Variants in REM2 observed in about 807,000 individuals in gnomAD.
The protein encoded by REM2 is GTP-binding protein REM 2.
Under a neutral mutation model 24.4 loss-of-function variants are expected in REM2, and 24 were observed. The observed-to-expected ratio is 0.98, with a 90% CI of 0.71 to 1.38. The LOEUF (loss-of-function observed/expected upper bound fraction) is 1.38, where lower values mean the gene tolerates loss of function less well. Among genes scored for constraint, REM2 ranks in the 40% most tolerant of loss-of-function variants. REM2 has a pLI of 0.00. For synonymous variants in REM2, 187 were observed against 198.0 expected (o/e 0.94, Z 0.47); for missense variants, 429 against 467.8 (o/e 0.92, Z 0.77).
rs1334466667 is a variant in REM2 at position 22,886,614 on chromosome 14, A to AG, written c.731dup (p.Arg245ProfsTer133). The AG allele has an allele frequency of 6.9e-7, 1 of 1,448,334 alleles. No homozygotes were observed. Among genetic ancestry groups the AG allele is most frequent in the African/African-American group, 1.4e-5 (1 of 69,628 alleles). The allele number at this position is 1,448,334 out of a possible 1,614,324, so 89.7% of individuals were successfully genotyped here. A position where few individuals can be genotyped will look rare whatever the true frequency, so the allele number is the denominator to read the frequency against. ...CGCCTGAGCCGGTGCCTTCCTGCAG[A>AG]GGGCCGCCACCTGGCCGGGACGCTG... On this transcript the variant is annotated frameshift_variant and splice_region_variant, in exon 5 of 5. Coordinates refer to ENST00000267396, the MANE Select transcript of REM2 (RefSeq NM_173527.3). LOFTEE classifies it high-confidence loss of function. This position sits in a 1 kb window ranked among gnomAD's most constrained non-coding sequence, Gnocchi z 5.9.
At position 22,884,768 on chromosome 14, in the gene REM2, A is replaced by G. The variant is rs1388022461; in HGVS notation, c.198A>G (p.Arg66=). 3 of 1,614,048 alleles carry G rather than the reference A, an allele frequency of 1.9e-6. No individual in the cohort carries two copies. The South Asian group carries it at 3.3e-5, about 18-fold the overall frequency. The part of the protein sequence containing the change: ...LPSAPGAPRR[R]GSMPVPYKHQ... The stretch of plus-strand genomic sequence containing the variant: ...CTGCCCCTGGGGCCCCCAGACGAAG[A>G]GGCAGTATGCCTGTCCCCTACAAGC... The change falls in exon 2 of 5, where the codon AGA becomes AGG. Residue 66 remains arginine (R), a synonymous_variant. Coordinates refer to ENST00000267396, the MANE Select transcript of REM2 (RefSeq NM_173527.3).
rs1402725238 is a variant in REM2 at position 22,884,846 on chromosome 14, C to T, written c.276C>T (p.Ala92=). The T allele has an allele frequency of 6.2e-7, 1 of 1,614,022 alleles. No homozygotes were observed. Among genetic ancestry groups the T allele is most frequent in the Non-Finnish European group, 8.5e-7 (1 of 1,179,866 alleles). The stretch of plus-strand genomic sequence containing the variant: ...ATGAACTTGACTGGCCACCTCAGGC[C>T]TCATCCTCTGGCTCGTCTGACTCCT... The part of the protein sequence containing the change: ...AVDELDWPPQ[A]SSSGSSDSLG... Residue 92 remains alanine (A), a synonymous_variant, in exon 2 of 5, where the codon GCC becomes GCT. Coordinates refer to ENST00000267396, the MANE Select transcript of REM2 (RefSeq NM_173527.3).
At chr14:22,885,205 G>C (rs745969204) in intron 2 of REM2, 61 bp from the exon 3 acceptor site, 22 of 1,494,372 alleles carry the variant, frequency 1.5e-5, no homozygotes, top group Non-Finnish European at 2.1e-5. Context: ...TGGTTACCAG[G>C]TCTCACAAAT....
Position 22,884,822 on chromosome 14 carries a change from T to A in REM2, c.252T>A (p.Asp84Glu), listed in dbSNP as rs771195142. 3 of 1,614,012 alleles carry A rather than the reference T, an allele frequency of 1.9e-6. No individual in the cohort carries two copies. In the South Asian group the frequency reaches 3.3e-5, roughly 18 times the overall value. ...KHQLRRAQAV[D>E]ELDWPPQASS... ...AGCTCCGGCGGGCCCAGGCTGTAGA[T>A]GAACTTGACTGGCCACCTCAGGCCT... The change falls in exon 2 of 5, where the codon GAT becomes GAA. Residue 84 changes from aspartate (D) to glutamate (E), a missense_variant. Transcript: ENST00000267396.
At chr14:22,885,233 T>G in intron 2 of REM2, 33 bp from the exon 3 acceptor site, 1 of 1,592,596 alleles carries the variant, frequency 6.3e-7, no homozygotes, top group Non-Finnish European at 8.6e-7. Flanking sequence ...AACCTCCTAA[T>G]GGACTTTATA....
Position 22,885,035 on chromosome 14 carries a change from AGGGG to A in REM2, c.445+21_445+24del. ...ACCCAGGTATTTGGGGAAGCCCTCC[AGGGG>A]TTGAGGGGGCTCTGGGGCCCTGGTC... is the stretch of plus-strand genomic sequence containing the variant. On this transcript the variant is annotated intron_variant, in intron 2 of 4. Coordinates refer to ENST00000267396, the MANE Select transcript of REM2 (RefSeq NM_173527.3). 2 of 1,522,070 alleles carry A rather than the reference AGGGG, an allele frequency of 1.3e-6. No homozygotes were observed. Among genetic ancestry groups the A allele is most frequent in the East Asian group, 4.5e-5 (2 of 44,030 alleles). 94.3% of individuals were successfully genotyped at this position (1,522,070 alleles called of 1,614,324 possible).
chr14:22,886,320 ATCGCGGACGCAC>A lies in REM2; in HGVS notation c.727+92_727+103del, dbSNP rs1004581784. 1.9e-5 allele frequency: 23 copies of A among 1,211,650 alleles called. No individual in the cohort carries two copies. The African/African-American group carries it at 3.2e-4, about 17-fold the overall frequency. The allele number at this position is 1,211,650 out of a possible 1,614,324, so 75.1% of individuals were successfully genotyped here. On this transcript the variant is annotated intron_variant, in intron 4 of 4. Transcript: ENST00000267396. The surrounding 1 kb of genome is among the most constrained non-coding windows in gnomAD (Gnocchi z 5.9). ...CTCTTCTCCCTAAGGCCTTTTTACCATCGCGGACGCACTCACTTGCAATCAGACCCAGGCTAG... is the reference window on the plus strand; with the variant it reads ...CTCTTCTCCCTAAGGCCTTTTTACCATCACTTGCAATCAGACCCAGGCTAG...
In REM2 at chr14:22,884,692, TAAAGA is replaced by T. The variant is rs2138807310; in HGVS notation, c.124_128del (p.Lys42ValfsTer42). On this transcript the variant is annotated frameshift_variant, in exon 2 of 5. Coordinates refer to ENST00000267396, the MANE Select transcript of REM2 (RefSeq NM_173527.3). LOFTEE classifies it high-confidence loss of function. The stretch of plus-strand genomic sequence containing the variant: ...ATTTTAGAAGCAGATGCCACGCTAC[TAAAGA>T]AGTCAGAGAAACTGTTGGCAGAGTT... 1 of 1,608,080 alleles carries T rather than the reference TAAAGA, an allele frequency of 6.2e-7. No individual in the cohort carries two copies. Among genetic ancestry groups the T allele is most frequent in the Non-Finnish European group, 8.5e-7 (1 of 1,177,402 alleles).
rs972209539 is a variant in REM2 at position 22,886,570 on chromosome 14, T to A, written c.728-44T>A. 97 of 1,427,140 alleles carry A rather than the reference T, an allele frequency of 6.8e-5. No individual in the cohort carries two copies. Among genetic ancestry groups the A allele is most frequent in the Non-Finnish European group, 7.5e-5 (82 of 1,089,022 alleles). 88.4% of individuals were successfully genotyped at this position (1,427,140 alleles called of 1,614,324 possible). ...TCCCTAGACCCACCCTCGCCCCGGGTCCCGTACAGCCCAGCGGGCGCCTGA... is the reference window on the plus strand; with the variant it reads ...TCCCTAGACCCACCCTCGCCCCGGGACCCGTACAGCCCAGCGGGCGCCTGA... On this transcript the variant is annotated intron_variant, in intron 4 of 4. Coordinates refer to ENST00000267396, the MANE Select transcript of REM2 (RefSeq NM_173527.3). The surrounding 1 kb of genome is among the most constrained non-coding windows in gnomAD (Gnocchi z 5.9).
chr14:22,886,800 G>A lies in REM2; in HGVS notation c.914G>A (p.Arg305His). The change falls in exon 5 of 5, where the codon CGC becomes CAC. Residue 305 changes from arginine (R) to histidine (H), a missense_variant. By Grantham distance (29) the Arg-to-His change is conservative. Transcript: ENST00000267396. The surrounding 1 kb of genome is among the most constrained non-coding windows in gnomAD (Gnocchi z 5.9). ...SPEGPAPPAR[R>H]ESLTKKAKRF... Reference sequence around the variant, plus strand: ...GAGGGCCCTGCGCCACCTGCACGCCGCGAGAGCCTCACCAAGAAAGCCAAG... The same window carrying A: ...GAGGGCCCTGCGCCACCTGCACGCCACGAGAGCCTCACCAAGAAAGCCAAG... 1 of 1,549,004 alleles carries A rather than the reference G, an allele frequency of 6.5e-7. No individual in the cohort carries two copies. The highest frequency in any genetic ancestry group is 1.4e-5 in the African/African-American group (1 of 72,908).
Position 22,886,964 on chromosome 14 carries a change from C to A in REM2, c.*55C>A. The A allele has an allele frequency of 3.0e-6, 4 of 1,311,956 alleles. No individual in the cohort carries two copies. In the South Asian group the frequency reaches 5.2e-5, roughly 17 times the overall value. The allele number at this position is 1,311,956 out of a possible 1,614,324, so 81.3% of individuals were successfully genotyped here. On this transcript the variant is annotated 3_prime_UTR_variant, in exon 5 of 5. Coordinates refer to ENST00000267396, the MANE Select transcript of REM2 (RefSeq NM_173527.3). The surrounding 1 kb of genome is among the most constrained non-coding windows in gnomAD (Gnocchi z 5.9). ...CATGGTCACCGCGCCCTCCGCTCGC[C>A]CCCCCTCGCCCCGCCCCGCCCCCGT...
At chr14:22,885,064 C>A in intron 2 of REM2, 49 bp downstream of exon 2, 1 of 1,507,940 alleles carries the variant, frequency 6.6e-7, no homozygotes, top group South Asian at 1.3e-5. Flanking sequence ...GGGCCCTGGT[C>A]AGGGAAGGAA....
chr14:22,885,233 T>C lies in REM2; in HGVS notation c.446-33T>C, dbSNP rs73588590. 1,138 of 1,592,596 alleles carry C rather than the reference T, an allele frequency of 7.1e-4. 6 individuals carry two copies. The African/African-American group carries it at 0.012, about 17-fold the overall frequency. ...TCACAAATGTTGGGAAACCTCCTAA[T>C]GGACTTTATACCCTCTCCCTATTTC... On this transcript the variant is annotated intron_variant, in intron 2 of 4. Transcript: ENST00000267396.
Position 22,886,940 on chromosome 14 carries a change from A to AT in REM2, c.*32dup, listed in dbSNP as rs1667241069. Reference sequence around the variant, plus strand: ...GGTCGCCATGGCCACTGCGGTCGCCATGGTCACCGCGCCCTCCGCTCGCCC... The same window carrying AT: ...GGTCGCCATGGCCACTGCGGTCGCCATTGGTCACCGCGCCCTCCGCTCGCCC... On this transcript the variant is annotated 3_prime_UTR_variant, in exon 5 of 5. Transcript: ENST00000267396. This position sits in a 1 kb window ranked among gnomAD's most constrained non-coding sequence, Gnocchi z 5.9. The AT allele has an allele frequency of 6.6e-6, 9 of 1,359,962 alleles. No homozygotes were observed. Among genetic ancestry groups the AT allele is most frequent in the African/African-American group, 1.5e-5 (1 of 64,966 alleles). The allele number at this position is 1,359,962 out of a possible 1,614,324, so 84.2% of individuals were successfully genotyped here.
chr14:22,886,675 C>T lies in REM2; in HGVS notation c.789C>T (p.His263=), dbSNP rs553093639. ...CKHIETSAAL[H]HNTRELFEGA... ...ACATCGAGACGTCGGCCGCACTGCA[C>T]CACAACACGAGGGAGCTCTTCGAGG... Residue 263 remains histidine, a synonymous_variant, in exon 5 of 5, where the codon CAC becomes CAT. Coordinates refer to ENST00000267396, the MANE Select transcript of REM2 (RefSeq NM_173527.3). This position sits in a 1 kb window ranked among gnomAD's most constrained non-coding sequence, Gnocchi z 5.9. 87 of 1,485,260 alleles carry T rather than the reference C, an allele frequency of 5.9e-5. No homozygotes were observed. In the Admixed American group the frequency reaches 1.6e-3, roughly 28 times the overall value. 92.0% of individuals were successfully genotyped at this position (1,485,260 alleles called of 1,614,324 possible).
chr14:22,887,571 C>T lies in REM2; in HGVS notation c.*662C>T, dbSNP rs1401096563. The T allele has an allele frequency of 6.6e-6, 1 of 152,234 alleles. No individual in the cohort carries two copies. Among genetic ancestry groups the T allele is most frequent in the Admixed American group, 6.5e-5 (1 of 15,284 alleles). The allele number at this position is 152,234 out of a possible 1,614,324, so 9.4% of individuals were successfully genotyped here. ...TTATTAAAGGTAAGGGGTGGACAGACTTTCTGCATTCAGATAATGAGCAGT... is the reference window on the plus strand; with the variant it reads ...TTATTAAAGGTAAGGGGTGGACAGATTTTCTGCATTCAGATAATGAGCAGT... On this transcript the variant is annotated 3_prime_UTR_variant, in exon 5 of 5. Coordinates refer to ENST00000267396, the MANE Select transcript of REM2 (RefSeq NM_173527.3).
At chr14:22,885,068 GA>G in intron 2 of REM2, 53 bp downstream of exon 2, 1 of 1,502,842 alleles carries the variant, frequency 6.7e-7, no homozygotes, top group Non-Finnish European at 8.9e-7. Flanking sequence ...CCTGGTCAGG[GA>G]AGGAAGTGCT....
chr14:22,883,429 G>T (rs998845132), intron 1 of REM2, 39 bp downstream of exon 1: 6 of 1,544,394 alleles, frequency 3.9e-6, no homozygotes, highest in Non-Finnish European at 5.3e-6. Flanking sequence ...TGAAACCATG[G>T]GGGTGGGAGC....
Position 22,887,001 on chromosome 14 carries a change from G to T in REM2, c.*92G>T. The T allele has an allele frequency of 1.7e-6, 2 of 1,179,934 alleles. No homozygotes were observed. The highest frequency in any genetic ancestry group is 2.3e-6 in the Non-Finnish European group (2 of 887,296). 73.1% of individuals were successfully genotyped at this position (1,179,934 alleles called of 1,614,324 possible). A position where few individuals can be genotyped will look rare whatever the true frequency, so the allele number is the denominator to read the frequency against. On this transcript the variant is annotated 3_prime_UTR_variant, in exon 5 of 5. Coordinates refer to ENST00000267396, the MANE Select transcript of REM2 (RefSeq NM_173527.3). ...CGCCCCGCCCCCGTCCGGCTTCCTT[G>T]GTGGAGGCCGTCTAGGAAACCAAAA... is the stretch of plus-strand genomic sequence containing the variant.
Sources: allele counts gnomAD v4.1 joint callset, GRCh38; gene constraint gnomAD v4.1.1; non-coding constraint Gnocchi (gnomAD v3.1); transcripts MANE v1.5; gene names NCBI Gene and HGNC (gene_info 2026-07-23, HGNC 2026-07-21).